Variants in STAG1 observed in about 807,000 individuals in gnomAD.
The protein encoded by STAG1 is STAG1 cohesin complex component.
In STAG1, 26 loss-of-function variants were observed where a neutral mutation model predicts 170.9. That is an observed-to-expected ratio of 0.15 (90% confidence interval 0.11 to 0.21). The LOEUF (loss-of-function observed/expected upper bound fraction) is 0.21, where lower values mean the gene tolerates loss of function less well. STAG1 is among the 10% of genes least tolerant of loss of function. The probability of loss-of-function intolerance (pLI) is 1.00; values close to 1 mark genes in which losing one functional copy is unlikely to be tolerated. For synonymous variants in STAG1, 514 were observed against 497.7 expected (o/e 1.03, Z -0.44); for missense variants, 964 against 1,509.5 (o/e 0.64, Z 5.99).
chr3:136,621,811 A>G (rs1276277837), intron 3 of STAG1, among the ~76,000 whole-genome samples: 3 of 152,112 alleles, frequency 2.0e-5, no homozygotes, highest in Admixed American at 6.6e-5. Flanking sequence ...CATATAGACA[A>G]TAACTGGTTA....
intron 20 of STAG1, among the ~76,000 whole-genome samples, chr3:136,420,655 C>G (rs1052876129): frequency 1.3e-5 from 2 of 152,196 alleles, no homozygotes; most frequent in Admixed American, 1.3e-4. Flanking sequence ...TTCACAGGTA[C>G]GATCATGGGC....
At chr3:136,401,991 G>A (rs2087340542) in intron 21 of STAG1, among the ~76,000 whole-genome samples, 1 of 151,696 alleles carries the variant, frequency 6.6e-6, no homozygotes, top group African/African-American at 2.4e-5. Context: ...TGATCCACCC[G>A]CCTCGACCTC....
intron 7 of STAG1, among the ~76,000 whole-genome samples, chr3:136,506,112 CA>C (rs1200369115): frequency 6.6e-6 from 1 of 152,086 alleles, no homozygotes; most frequent in South Asian, 2.1e-4. Flanking sequence ...TGATGTGAAA[CA>C]GTCTGAATTA....
chr3:136,509,197 G>A (rs1442342090), intron 7 of STAG1, among the ~76,000 whole-genome samples: 4 of 152,210 alleles, frequency 2.6e-5, no homozygotes, highest in African/African-American at 9.6e-5. Context: ...TAGATAGGTA[G>A]GTAGGCTTAA....
chr3:136,450,964 G>T (rs2088920122), intron 14 of STAG1, among the ~76,000 whole-genome samples: 1 of 152,008 alleles, frequency 6.6e-6, no homozygotes, highest in African/African-American at 2.4e-5. Flanking sequence ...AGCCAGGCTG[G>T]TCTTAAACTC....
chr3:136,613,985 C>A (rs187419431), intron 3 of STAG1, among the ~76,000 whole-genome samples: 176 of 151,954 alleles, frequency 1.2e-3, no homozygotes, highest in African/African-American at 4.0e-3. Flanking sequence ...GAGGCTGATG[C>A]GGATGGATTA....
Position 136,630,813 on chromosome 3 carries a change from TAA to T in STAG1, c.29+55_29+56del, listed in dbSNP as rs2107838127. 14 of 1,227,956 alleles carry T rather than the reference TAA, an allele frequency of 1.1e-5. No individual in the cohort carries two copies. The South Asian group carries it at 1.8e-4, about 16-fold the overall frequency. The allele number at this position is 1,227,956 out of a possible 1,614,324, so 76.1% of individuals were successfully genotyped here. ...CGAAGAGAGCATTTTGATAAAGAAA[TAA>T]GTTGTCCAAAATTTTCCTTAAAAAA... On this transcript the variant is annotated intron_variant, in intron 2 of 33. Coordinates refer to ENST00000383202, the MANE Select transcript of STAG1 (RefSeq NM_005862.3).
intron 12 of STAG1, among the ~76,000 whole-genome samples, chr3:136,466,954 A>G (rs1201682166): frequency 6.6e-6 from 1 of 152,148 alleles, no homozygotes; most frequent in East Asian, 1.9e-4. Flanking sequence ...AACAAATGCT[A>G]AGAGATTTTG....
At chr3:136,612,617 C>T (rs1432930392) in intron 3 of STAG1, among the ~76,000 whole-genome samples, 1 of 152,210 alleles carries the variant, frequency 6.6e-6, no homozygotes. Flanking sequence ...GAGCCTGAGG[C>T]TGCAGTGAGC....
intron 1 of STAG1, among the ~76,000 whole-genome samples, chr3:136,652,021 A>G (rs1941236362): frequency 6.6e-6 from 1 of 152,252 alleles, no homozygotes; most frequent in African/African-American, 2.4e-5. Context: ...CACAGCAGAA[A>G]GTAGAAAGAT....
intron 7 of STAG1, among the ~76,000 whole-genome samples, chr3:136,509,048 A>C (rs1180673631): frequency 6.6e-6 from 1 of 152,246 alleles, no homozygotes; most frequent in East Asian, 1.9e-4. Flanking sequence ...ATTTTGAAGT[A>C]ATGAGAGTGA....
chr3:136,709,886 T>C (rs1450691500), intron 1 of STAG1, among the ~76,000 whole-genome samples: 1 of 151,796 alleles, frequency 6.6e-6, no homozygotes, highest in African/African-American at 2.4e-5. Flanking sequence ...AATACAAAAA[T>C]TAGCTGGGCA....
At chr3:136,498,376 A>C (rs1456917754) in intron 9 of STAG1, among the ~76,000 whole-genome samples, 1 of 150,174 alleles carries the variant, frequency 6.7e-6, no homozygotes, top group African/African-American at 2.4e-5. Flanking sequence ...TCAGAGAAAG[A>C]AGCCAGATCC....
chr3:136,711,060 AAT>A (rs369140347), intron 1 of STAG1, among the ~76,000 whole-genome samples: 145 of 148,382 alleles, frequency 9.8e-4, no homozygotes, highest in African/African-American at 2.3e-3. Flanking sequence ...CAAAAAGAAA[AAT>A]ATATATATAT....
At chr3:136,717,739 T>C (rs993502714) in intron 1 of STAG1, among the ~76,000 whole-genome samples, 2 of 152,192 alleles carry the variant, frequency 1.3e-5, no homozygotes, top group Non-Finnish European at 2.9e-5. Flanking sequence ...GATCTCAGAC[T>C]ATCCAGTGAG....
At chr3:136,658,974 T>A (rs1197609538) in intron 1 of STAG1, among the ~76,000 whole-genome samples, 1 of 152,126 alleles carries the variant, frequency 6.6e-6, no homozygotes, top group East Asian at 1.9e-4. Flanking sequence ...GGGGCTATCT[T>A]AAGAATCAAG....
At chr3:136,402,511 C>T (rs1403391680) in intron 21 of STAG1, among the ~76,000 whole-genome samples, 3 of 151,998 alleles carry the variant, frequency 2.0e-5, no homozygotes, top group Non-Finnish European at 2.9e-5. Flanking sequence ...CCACCGTGCC[C>T]GGCCTAGCTG....
intron 3 of STAG1, among the ~76,000 whole-genome samples, chr3:136,610,005 T>G (rs570187735): frequency 6.6e-6 from 1 of 152,302 alleles, no homozygotes; most frequent in Admixed American, 6.5e-5. Context: ...TTTAAATTAT[T>G]TCTATTGCAT....
intron 1 of STAG1, among the ~76,000 whole-genome samples, chr3:136,701,069 A>G (rs1399531087): frequency 1.3e-5 from 2 of 150,592 alleles, no homozygotes; most frequent in African/African-American, 4.9e-5. Flanking sequence ...TTTAGTAGAG[A>G]CAGGATTTCA....
Sources: allele counts gnomAD v4.1 joint callset (sites outside exome capture counted in the v4.1 genomes callset), GRCh38; gene constraint gnomAD v4.1.1; transcripts MANE v1.5; gene names NCBI Gene and HGNC (gene_info 2026-07-23, HGNC 2026-07-21).